Variants in ZNF322 observed in about 807,000 individuals in gnomAD.
ZNF322 encodes zinc finger protein 322.
ZNF322 carries 1 observed loss-of-function variant against 18.3 expected under a neutral mutation model. The ratio of observed to expected loss-of-function variants is 0.05; its 90% CI spans 0.02 to 0.26. The LOEUF (loss-of-function observed/expected upper bound fraction) is 0.26. ZNF322 is among the 10% of genes least tolerant of loss of function. The pLI, the probability that ZNF322 is intolerant of heterozygous loss-of-function variation, is 1.00. For synonymous variants in ZNF322, 17 were observed against 130.7 expected (o/e 0.13, Z 5.93); for missense variants, 36 against 403.6 (o/e 0.09, Z 7.80).
intron 3 of ZNF322, among the ~76,000 whole-genome samples, chr6:26,643,293 G>A (rs1193949163): frequency 1.3e-5 from 2 of 152,148 alleles, no homozygotes; most frequent in Non-Finnish European, 2.9e-5. Context: ...TAACCACTCT[G>A]TTTAAAGTTG....
chr6:26,650,941 G>C (rs1451579645), intron 2 of ZNF322, among the ~76,000 whole-genome samples: 1 of 152,140 alleles, frequency 6.6e-6, no homozygotes, highest in East Asian at 1.9e-4. Flanking sequence ...TTTATATGAA[G>C]AGGTAAAAGA....
At chr6:26,645,753 C>A (rs1765546445) in intron 2 of ZNF322, among the ~76,000 whole-genome samples, 1 of 152,030 alleles carries the variant, frequency 6.6e-6, no homozygotes, top group Admixed American at 6.6e-5. Context: ...TAAGTATGGT[C>A]AGGTGCGGTG....
At chr6:26,639,651 G>C (rs565282726) in intron 3 of ZNF322, among the ~76,000 whole-genome samples, 3 of 151,988 alleles carry the variant, frequency 2.0e-5, no homozygotes, top group Non-Finnish European at 4.4e-5. Context: ...CTAAAGAACA[G>C]AAATAAAAGG....
intron 2 of ZNF322, among the ~76,000 whole-genome samples, chr6:26,652,973 A>T (rs1217529942): frequency 2.0e-5 from 3 of 152,176 alleles, no homozygotes; most frequent in Non-Finnish European, 4.4e-5. Flanking sequence ...CTAAAAAATA[A>T]AGTCTATAAA....
At chr6:26,659,006 A>T (rs1295438868) in intron 1 of ZNF322, among the ~76,000 whole-genome samples, 3 of 152,236 alleles carry the variant, frequency 2.0e-5, no homozygotes, top group Non-Finnish European at 4.4e-5. Flanking sequence ...CTACCACTAC[A>T]AACCCCAAAG....
chr6:26,650,570 C>G (rs1251109413), intron 2 of ZNF322: 5 of 152,124 alleles, frequency 3.3e-5, no homozygotes, highest in Non-Finnish European at 7.3e-5. Flanking sequence ...ACTCCTGGGA[C>G]TAGGAAGTGA....
chr6:26,646,693 G>A (rs564065691), intron 2 of ZNF322, among the ~76,000 whole-genome samples: 33 of 152,132 alleles, frequency 2.2e-4, no homozygotes, highest in African/African-American at 6.5e-4. Flanking sequence ...ATATTAAACC[G>A]TATGTCCTGA....
At chr6:26,652,893 G>A (rs1765698338) in intron 2 of ZNF322, among the ~76,000 whole-genome samples, 1 of 152,104 alleles carries the variant, frequency 6.6e-6, no homozygotes, top group African/African-American at 2.4e-5. Flanking sequence ...TCAGGGTAAA[G>A]AGAGTGGTAG....
chr6:26,654,122 T>A (rs572577554), intron 2 of ZNF322, among the ~76,000 whole-genome samples: 1 of 152,268 alleles, frequency 6.6e-6, no homozygotes, highest in South Asian at 2.1e-4. Context: ...ATGGATAATG[T>A]CACCTAGATT....
chr6:26,655,534 CTGTT>C (rs1251586211), intron 2 of ZNF322, among the ~76,000 whole-genome samples: 10 of 152,296 alleles, frequency 6.6e-5, no homozygotes, highest in Admixed American at 2.6e-4. Flanking sequence ...GCTTGATTCT[CTGTT>C]TGAGAAGAGA....
intron 2 of ZNF322, among the ~76,000 whole-genome samples, chr6:26,656,055 A>C (rs1347554068): frequency 6.6e-5 from 10 of 152,224 alleles, no homozygotes; most frequent in African/African-American, 1.9e-4. Context: ...ATATGAGTGA[A>C]GGGTATATGG....
chr6:26,645,109 A>G (rs1423527351), intron 2 of ZNF322, among the ~76,000 whole-genome samples: 1 of 151,516 alleles, frequency 6.6e-6, no homozygotes, highest in Non-Finnish European at 1.5e-5. Context: ...GTCAGTGGAC[A>G]GAAAACTGAC....
chr6:26,652,358 C>T (rs1765686247), intron 2 of ZNF322, among the ~76,000 whole-genome samples: 1 of 152,060 alleles, frequency 6.6e-6, no homozygotes, highest in African/African-American at 2.4e-5. Context: ...TACATATACC[C>T]TTAAAACTCA....
intron 1 of ZNF322, 26 bp from the exon 2 acceptor site, chr6:26,658,672 C>T (rs781998729): frequency 3.0e-5 from 5 of 165,868 alleles, no homozygotes; most frequent in African/African-American, 4.8e-5. Context: ...ATAATGTAGA[C>T]GATGACCTTG....
chr6:26,645,968 T>C (rs919466274), intron 2 of ZNF322, among the ~76,000 whole-genome samples: 3 of 151,628 alleles, frequency 2.0e-5, no homozygotes, highest in African/African-American at 7.3e-5. Flanking sequence ...GAGGTGGAGG[T>C]TGCGGTGAGC....
At chr6:26,644,452 T>C (rs1217056484) in intron 2 of ZNF322, among the ~76,000 whole-genome samples, 1 of 152,194 alleles carries the variant, frequency 6.6e-6, no homozygotes, top group Non-Finnish European at 1.5e-5. Flanking sequence ...GCTGCTAGTA[T>C]TAAAATGACA....
At position 26,636,126 on chromosome 6, in the gene ZNF322, G is replaced by C. The variant is rs1350879697; in HGVS notation, c.*1219C>G. 1 of 149,098 alleles carries C rather than the reference G, an allele frequency of 6.7e-6. No homozygotes were observed. Among genetic ancestry groups the C allele is most frequent in the Non-Finnish European group, 1.5e-5 (1 of 67,502 alleles). 9.2% of individuals were successfully genotyped at this position (149,098 alleles called of 1,614,324 possible). A position where few individuals can be genotyped will look rare whatever the true frequency, so the allele number is the denominator to read the frequency against. ...AACTATTAGGAGAGTTTTGATCTAG[G>C]ATAGCTACTCCCTAGCTTCTTAAGT... On this transcript the variant is annotated 3_prime_UTR_variant, in exon 4 of 4. Coordinates refer to ENST00000415922, the MANE Select transcript of ZNF322 (RefSeq NM_024639.5).
At chr6:26,639,136 G>A (rs1434882683) in intron 3 of ZNF322, among the ~76,000 whole-genome samples, 4 of 152,142 alleles carry the variant, frequency 2.6e-5, no homozygotes, top group African/African-American at 7.2e-5. Context: ...AATTCCAAGT[G>A]ACCAGAGAGA....
chr6:26,642,551 T>C (rs560799236), intron 3 of ZNF322, among the ~76,000 whole-genome samples: 2 of 152,186 alleles, frequency 1.3e-5, no homozygotes, highest in East Asian at 1.9e-4. Context: ...TAGAAATTAC[T>C]TTTTTTTGGT....
Sources: allele counts gnomAD v4.1 joint callset (sites outside exome capture counted in the v4.1 genomes callset), GRCh38; gene constraint gnomAD v4.1.1; transcripts MANE v1.5; gene names NCBI Gene and HGNC (gene_info 2026-07-23, HGNC 2026-07-21).